The following CAMK4 variants were observed in gnomAD, a reference collection of about 807,000 sequenced individuals.
CAMK4 encodes calcium/calmodulin dependent protein kinase IV.
Under a neutral mutation model 44.9 loss-of-function variants are expected in CAMK4, and 22 were observed. The observed-to-expected ratio is 0.49, with a 90% CI of 0.35 to 0.70. The LOEUF is 0.70. CAMK4 is among the 30% of genes least tolerant of loss of function. The probability of loss-of-function intolerance (pLI) is 0.01; values close to 1 mark genes in which losing one functional copy is unlikely to be tolerated. For missense variants in CAMK4, 498 were observed against 586.8 expected (o/e 0.85, Z 1.56); for synonymous variants, 218 against 215.4 (o/e 1.01, Z -0.11).
chr5:111,399,041 T>C (rs461231), intron 5 of CAMK4, among the ~76,000 whole-genome samples: 52,307 of 151,966 alleles, frequency 0.34, 9,367 homozygotes, highest in Non-Finnish European at 0.4. Flanking sequence ...ACATCAATTA[T>C]ATCATTTCCA....
intron 7 of CAMK4, among the ~76,000 whole-genome samples, chr5:111,470,319 G>A (rs1755019097): frequency 6.6e-6 from 1 of 152,158 alleles, no homozygotes; most frequent in South Asian, 2.1e-4. Flanking sequence ...TAAAAGAAAA[G>A]TTTTCTAGGA....
At chr5:111,386,072 T>C (rs553185211) in intron 4 of CAMK4, among the ~76,000 whole-genome samples, 1 of 152,292 alleles carries the variant, frequency 6.6e-6, no homozygotes, top group South Asian at 2.1e-4. Flanking sequence ...GTGCTAGTAG[T>C]ATCTTTGAAA....
chr5:111,274,096 A>G (rs1300374116), intron 1 of CAMK4, among the ~76,000 whole-genome samples: 2 of 151,924 alleles, frequency 1.3e-5, no homozygotes, highest in African/African-American at 4.8e-5. Flanking sequence ...TGTTTCTGGA[A>G]CACGTGGAAC....
intron 5 of CAMK4, among the ~76,000 whole-genome samples, chr5:111,443,275 T>TAC (rs1277229779): frequency 6.4e-5 from 3 of 47,150 alleles, no homozygotes; most frequent in East Asian, 1.7e-3. Context: ...TATATATATA[T>TAC]ATATACACAC....
At chr5:111,297,208 T>G (rs1747525211) in intron 1 of CAMK4, among the ~76,000 whole-genome samples, 1 of 152,210 alleles carries the variant, frequency 6.6e-6, no homozygotes, top group South Asian at 2.1e-4. Flanking sequence ...CACTTAAAAA[T>G]TAAATAATAA....
rs1561516046 is a variant in CAMK4 at position 111,484,133 on chromosome 5, A to T, written c.1089A>T (p.Gln363His). ...HKASRDPSPI[Q>H]DGNEDMKAIP... is the part of the protein sequence containing the mutation. ...CTAGCCGAGACCCTTCTCCAATCCAAGATGGCAACGAGGACATGAAAGCTA... is the reference window on the plus strand; with the variant it reads ...CTAGCCGAGACCCTTCTCCAATCCATGATGGCAACGAGGACATGAAAGCTA... Residue 363 changes from glutamine (Q) to histidine (H), a missense_variant, in exon 11 of 11, where the codon CAA becomes CAT. By Grantham distance (24) the Gln-to-His change is conservative (BLOSUM62 0). This residue lies in a region of CAMK4 where 143 missense variants were observed against 144.9 expected (regional missense o/e 0.99). Coordinates refer to ENST00000282356, the MANE Select transcript of CAMK4 (RefSeq NM_001744.6). This position sits in a 1 kb window ranked among gnomAD's most constrained non-coding sequence, Gnocchi z 5.3. 1 of 1,614,200 alleles carries T rather than the reference A, an allele frequency of 6.2e-7. No homozygotes were observed. The highest frequency in any genetic ancestry group is 8.5e-7 in the Non-Finnish European group (1 of 1,180,020).
At chr5:111,390,031 A>G (rs918672185) in intron 4 of CAMK4, among the ~76,000 whole-genome samples, 9 of 152,332 alleles carry the variant, frequency 5.9e-5, no homozygotes, top group African/African-American at 1.9e-4. Context: ...AAGCATGTCA[A>G]TTAAATTTTT....
chr5:111,379,884 A>C (rs1381721797), intron 4 of CAMK4, among the ~76,000 whole-genome samples: 1 of 152,158 alleles, frequency 6.6e-6, no homozygotes, highest in Non-Finnish European at 1.5e-5. Context: ...CTGCTATTTT[A>C]TGTAGAATTT....
intron 2 of CAMK4, among the ~76,000 whole-genome samples, chr5:111,344,770 G>A (rs1193762886): frequency 6.6e-6 from 1 of 151,768 alleles, no homozygotes; most frequent in Non-Finnish European, 1.5e-5. Context: ...TATCTCTAAT[G>A]AGTAAGAAAC....
chr5:111,299,809 C>A (rs562259781), intron 1 of CAMK4, among the ~76,000 whole-genome samples: 31 of 152,146 alleles, frequency 2.0e-4, no homozygotes, highest in African/African-American at 7.5e-4. Context: ...AAGTTGATTT[C>A]CTCCCATTTC....
chr5:111,335,014 A>C (rs1008038040), intron 1 of CAMK4, among the ~76,000 whole-genome samples: 16 of 151,464 alleles, frequency 1.1e-4, no homozygotes, highest in African/African-American at 3.9e-4. Flanking sequence ...ACACTTTTAC[A>C]TGGCCATGAA....
In CAMK4 at chr5:111,243,847, A is replaced by C. The variant is rs374660145; in HGVS notation, c.161+19203A>C. Among the ~76,000 whole-genome samples, 3 of 152,362 alleles carry C rather than the reference A, an allele frequency of 2.0e-5. No homozygotes were observed. The South Asian group carries it at 6.2e-4, about 32-fold the overall frequency. On this transcript the variant is annotated intron_variant, in intron 1 of 10. Coordinates refer to ENST00000282356, the MANE Select transcript of CAMK4 (RefSeq NM_001744.6). ...GACTGTATCTTGTGCCTATAGCTGC[A>C]CGAATGCAACATGCATTCATCTTCA... is the stretch of plus-strand genomic sequence containing the variant.
At chr5:111,323,797 A>T (rs1036452055) in intron 1 of CAMK4, among the ~76,000 whole-genome samples, 1 of 152,144 alleles carries the variant, frequency 6.6e-6, no homozygotes, top group Admixed American at 6.6e-5. Flanking sequence ...ACTAAATAGA[A>T]GTTCAGATTT....
chr5:111,330,922 GA>G (rs1253698018), intron 1 of CAMK4, among the ~76,000 whole-genome samples: 1 of 151,388 alleles, frequency 6.6e-6, no homozygotes, highest in Non-Finnish European at 1.5e-5. Flanking sequence ...TAAATACATG[GA>G]AAAAATATAC....
At chr5:111,328,277 C>T in intron 1 of CAMK4, among the ~76,000 whole-genome samples, 2 of 150,604 alleles carry the variant, frequency 1.3e-5, no homozygotes, top group African/African-American at 5.0e-5. Flanking sequence ...AATCCTTTCC[C>T]CATTGCTTGT....
chr5:111,240,642 T>C (rs1286157283), intron 1 of CAMK4, among the ~76,000 whole-genome samples: 1 of 152,128 alleles, frequency 6.6e-6, no homozygotes. Context: ...AGTGGGGGGA[T>C]AGAAATTAGA....
chr5:111,402,611 G>T (rs1752271800), intron 5 of CAMK4, among the ~76,000 whole-genome samples: 1 of 152,200 alleles, frequency 6.6e-6, no homozygotes, highest in South Asian at 2.1e-4. Flanking sequence ...CTTGTAGGAA[G>T]ATGGAAAGTA....
rs1755664026 is a variant in CAMK4, at chr5:111,487,277, TG to T, written c.*2814del. The T allele has an allele frequency of 6.6e-6, 1 of 152,192 alleles. No homozygotes were observed. Among genetic ancestry groups the T allele is most frequent in the South Asian group, 2.1e-4 (1 of 4,830 alleles). 9.4% of individuals were successfully genotyped at this position (152,192 alleles called of 1,614,324 possible). On this transcript the variant is annotated 3_prime_UTR_variant, in exon 11 of 11. Transcript: ENST00000282356. ...AGCTAACACTTATCACATTACATTA[TG>T]GGTTTTTATTTTGAGATAAGTTCAG... is the stretch of plus-strand genomic sequence containing the variant.
At chr5:111,466,472 C>T (rs1754832237) in intron 7 of CAMK4, among the ~76,000 whole-genome samples, 1 of 152,140 alleles carries the variant, frequency 6.6e-6, no homozygotes, top group African/African-American at 2.4e-5. Context: ...CAAAAAGCTC[C>T]TAGATCTGAT....
Sources: gnomAD v4.1 joint callset for allele counts (sites outside exome capture counted in the v4.1 genomes callset) on GRCh38, gnomAD v4.1.1 for gene constraint, gnomAD v4.1.1 regional missense constraint, Gnocchi (gnomAD v3.1) non-coding constraint, MANE v1.5 for transcripts, NCBI Gene and HGNC (gene_info 2026-07-23, HGNC 2026-07-21) for gene names.